The following SCARB1 variants were observed in gnomAD, a reference collection of about 807,000 sequenced individuals.
The protein encoded by SCARB1 is scavenger receptor class B member 1.
Under a neutral mutation model 57.2 loss-of-function variants are expected in SCARB1, and 30 were observed. The observed-to-expected ratio is 0.52, with a 90% CI of 0.39 to 0.71. SCARB1 has a LOEUF of 0.71. SCARB1 is among the 30% of genes least tolerant of loss of function. The pLI is 0.00. For synonymous variants in SCARB1, 249 were observed against 268.3 expected (o/e 0.93, Z 0.70); for missense variants, 543 against 671.2 (o/e 0.81, Z 2.11).
intron 1 of SCARB1, among the ~76,000 whole-genome samples, chr12:124,827,590 C>T (rs1951212387): frequency 6.6e-6 from 1 of 152,144 alleles, no homozygotes; most frequent in Admixed American, 6.5e-5. Context: ...ACAGCAGAAG[C>T]GGTGGTCTCA....
chr12:124,790,848 C>T (rs566217569), intron 9 of SCARB1, among the ~76,000 whole-genome samples: 1 of 152,362 alleles, frequency 6.6e-6, no homozygotes, highest in African/African-American at 2.4e-5. Flanking sequence ...GCCCTTCCAC[C>T]CCACACAGGC....
chr12:124,787,335 C>CGCCTCCT lies in SCARB1; in HGVS notation c.1254+64_1254+70dup, dbSNP rs1273857237. 2.8e-6 allele frequency: 4 copies of CGCCTCCT among 1,433,784 alleles called. No homozygotes were observed. The African/African-American group carries it at 5.6e-5, about 20-fold the overall frequency. The allele number at this position is 1,433,784 out of a possible 1,614,324, so 88.8% of individuals were successfully genotyped here. A position where few individuals can be genotyped will look rare whatever the true frequency, so the allele number is the denominator to read the frequency against. On this transcript the variant is annotated intron_variant, in intron 10 of 12. Transcript: ENST00000261693. The stretch of plus-strand genomic sequence containing the variant: ...CTCCCTTTCTACAAGCTGCTCCCCC[C>CGCCTCCT]GCCTCCTGCCTCAAATGCCCACATT...
chr12:124,846,670 G>T (rs1952164790), intron 1 of SCARB1, among the ~76,000 whole-genome samples: 1 of 132,054 alleles, frequency 7.6e-6, no homozygotes, highest in Non-Finnish European at 1.6e-5. Flanking sequence ...GGCAGAAGTT[G>T]CAGTGAGCTG....
intron 2 of SCARB1, among the ~76,000 whole-genome samples, chr12:124,815,748 C>T (rs939274854): frequency 2.6e-5 from 4 of 152,294 alleles, no homozygotes; most frequent in Middle Eastern, 3.4e-3. Flanking sequence ...TGCCTGTAAT[C>T]CCAGCTACTC....
chr12:124,816,087 C>T (rs1040057110), intron 2 of SCARB1, among the ~76,000 whole-genome samples: 2 of 152,196 alleles, frequency 1.3e-5, no homozygotes, highest in Non-Finnish European at 2.9e-5. Flanking sequence ...CCCAGGGCCT[C>T]TTCCCACCAT....
intron 1 of SCARB1, among the ~76,000 whole-genome samples, chr12:124,837,742 T>TA (rs35799687): frequency 4.2e-4 from 61 of 146,180 alleles, no homozygotes; most frequent in African/African-American, 1.4e-3. Context: ...CACCAACCTA[T>TA]AAAAAAAAAA....
intron 1 of SCARB1, among the ~76,000 whole-genome samples, chr12:124,829,825 G>A (rs368780090): frequency 1.3e-5 from 2 of 152,204 alleles, no homozygotes; most frequent in African/African-American, 4.8e-5. Context: ...CAAAATGGAT[G>A]AAAATACCAT....
chr12:124,778,644 C>A, intron 12 of SCARB1, 58 bp from the exon 13 acceptor site: 1 of 1,369,178 alleles, frequency 7.3e-7, no homozygotes, highest in South Asian at 1.8e-5. Context: ...ACCCCACCCT[C>A]ATCCCCGCCC....
Position 124,777,027 on chromosome 12 carries a change from C to G in SCARB1, c.*1560G>C, listed in dbSNP as rs1872544093. 6.6e-6 allele frequency: 1 copy of G among 152,054 alleles called. No individual in the cohort carries two copies. Among genetic ancestry groups the G allele is most frequent in the African/African-American group, 2.4e-5 (1 of 41,406 alleles). 9.4% of individuals were successfully genotyped at this position (152,054 alleles called of 1,614,324 possible). A position where few individuals can be genotyped will look rare whatever the true frequency, so the allele number is the denominator to read the frequency against. ...ATTTCTGACCATAAAAGAGCTTGTT[C>G]GTATATTCTTTGAAATGTTCGGCAG... is the stretch of plus-strand genomic sequence containing the variant. On this transcript the variant is annotated 3_prime_UTR_variant, in exon 13 of 13. Transcript: ENST00000261693.
At chr12:124,792,389 A>G (rs1264665405) in intron 9 of SCARB1, among the ~76,000 whole-genome samples, 1 of 152,068 alleles carries the variant, frequency 6.6e-6, no homozygotes, top group Non-Finnish European at 1.5e-5. Context: ...TGACCGGTCC[A>G]CAGGTCACTG....
In SCARB1 at chr12:124,778,309, G is replaced by A. The variant is rs919731552; in HGVS notation, c.*278C>T. 79 of 716,026 alleles carry A rather than the reference G, an allele frequency of 1.1e-4. No individual in the cohort carries two copies. The African/African-American group carries it at 1.4e-3, about 13-fold the overall frequency. 44.4% of individuals were successfully genotyped at this position (716,026 alleles called of 1,614,324 possible). On this transcript the variant is annotated 3_prime_UTR_variant, in exon 13 of 13. Transcript: ENST00000261693. Reference sequence around the variant, plus strand: ...TGGTCAGGCCTGTGGGCCACGTGGAGAGAAGGTTCCAGAACAGTGCTTGTT... The same window carrying A: ...TGGTCAGGCCTGTGGGCCACGTGGAAAGAAGGTTCCAGAACAGTGCTTGTT...
intron 1 of SCARB1, among the ~76,000 whole-genome samples, chr12:124,854,884 G>T (rs1952569172): frequency 6.6e-6 from 1 of 152,140 alleles, no homozygotes; most frequent in South Asian, 2.1e-4. Flanking sequence ...TCGGGGGTGG[G>T]GTTCAGGGGA....
rs1323865847 is a variant in SCARB1, at chr12:124,800,479, C to G, written c.1010-237G>C. Reference sequence around the variant, plus strand: ...AGCCGCTGATTCTGACAGGAGAGACCAAAAGAAGGAAGAGGCCTCTTCACA... The same window carrying G: ...AGCCGCTGATTCTGACAGGAGAGACGAAAAGAAGGAAGAGGCCTCTTCACA... On this transcript the variant is annotated intron_variant, in intron 7 of 12. Coordinates refer to ENST00000261693, the MANE Select transcript of SCARB1 (RefSeq NM_005505.5). The surrounding 1 kb of genome is among the most constrained non-coding windows in gnomAD (Gnocchi z 4.8). Among the ~76,000 whole-genome samples the G allele has an allele frequency of 1.3e-5, 2 of 152,112 alleles. No homozygotes were observed. Among genetic ancestry groups the G allele is most frequent in the African/African-American group, 4.8e-5 (2 of 41,410 alleles).
Position 124,778,528 on chromosome 12 carries a change from C to CT in SCARB1, c.*58dup. 1 of 1,364,848 alleles carries CT rather than the reference C, an allele frequency of 7.3e-7. No homozygotes were observed. The highest frequency in any genetic ancestry group is 9.5e-7 in the Non-Finnish European group (1 of 1,056,302). 84.5% of individuals were successfully genotyped at this position (1,364,848 alleles called of 1,614,324 possible). A position where few individuals can be genotyped will look rare whatever the true frequency, so the allele number is the denominator to read the frequency against. On this transcript the variant is annotated 3_prime_UTR_variant, in exon 13 of 13. Coordinates refer to ENST00000261693, the MANE Select transcript of SCARB1 (RefSeq NM_005505.5). ...GTCCGGGAGAAGCGGGGTGTAGGGG[C>CT]TGGGGGGCCGGTCAGGCCCAGCGGC...
At chr12:124,811,172 C>A (rs1291099512) in intron 5 of SCARB1, among the ~76,000 whole-genome samples, 3 of 152,204 alleles carry the variant, frequency 2.0e-5, no homozygotes, top group Non-Finnish European at 2.9e-5. Context: ...AGAATATATC[C>A]CAAACTGATA....
At chr12:124,791,973 A>T (rs1047380274) in intron 9 of SCARB1, among the ~76,000 whole-genome samples, 17 of 151,872 alleles carry the variant, frequency 1.1e-4, no homozygotes, top group Admixed American at 7.2e-4. Flanking sequence ...AAAAGGCTGA[A>T]ATCCCCCAAT....
intron 1 of SCARB1, among the ~76,000 whole-genome samples, chr12:124,851,093 A>G (rs2135826557): frequency 6.6e-6 from 1 of 152,354 alleles, no homozygotes. Context: ...ATCACAGCCA[A>G]TGAGCATTGA....
At chr12:124,828,078 G>A (rs1466943561) in intron 1 of SCARB1, among the ~76,000 whole-genome samples, 1 of 152,022 alleles carries the variant, frequency 6.6e-6, no homozygotes, top group Non-Finnish European at 1.5e-5. Context: ...GGGTGGTAAC[G>A]CTAGTCCTCC....
At chr12:124,795,807 T>C (rs368423926) in intron 8 of SCARB1, among the ~76,000 whole-genome samples, 53 of 152,334 alleles carry the variant, frequency 3.5e-4, no homozygotes, top group Middle Eastern at 3.4e-3. Flanking sequence ...CTTCTAACAA[T>C]GGTGCTGACA....
Sources: allele counts gnomAD v4.1 joint callset (sites outside exome capture counted in the v4.1 genomes callset), GRCh38; gene constraint gnomAD v4.1.1; non-coding constraint Gnocchi (gnomAD v3.1); transcripts MANE v1.5; gene names NCBI Gene and HGNC (gene_info 2026-07-23, HGNC 2026-07-21).